OPCML: variants seen among roughly 807,000 people sequenced by gnomAD.
OPCML encodes opioid-binding protein/cell adhesion molecule.
OPCML carries 13 observed loss-of-function variants against 37.8 expected under a neutral mutation model. The observed-to-expected ratio is 0.34, with a 90% CI of 0.22 to 0.55. The LOEUF is 0.55. OPCML is among the 20% of genes least tolerant of loss of function. The pLI, the probability that OPCML is intolerant of heterozygous loss-of-function variation, is 0.91. For synonymous variants in OPCML, 176 were observed against 168.8 expected (o/e 1.04, Z -0.33); for missense variants, 341 against 435.6 (o/e 0.78, Z 1.93).
At chr11:132,718,482 C>G (rs761467468) in intron 2 of OPCML, among the ~76,000 whole-genome samples, 79 of 152,226 alleles carry the variant, frequency 5.2e-4, no homozygotes, top group Non-Finnish European at 1.0e-3. Context: ...CCCTTAGGAC[C>G]AGGCATCCGT....
intron 1 of OPCML, among the ~76,000 whole-genome samples, chr11:133,215,501 C>T (rs957842269): frequency 7.2e-5 from 11 of 152,306 alleles, no homozygotes; most frequent in Non-Finnish European, 1.3e-4. Context: ...AATCCCAGTA[C>T]TCAGTGTATT....
chr11:132,745,810 C>T (rs1394887775), intron 2 of OPCML, among the ~76,000 whole-genome samples: 1 of 152,136 alleles, frequency 6.6e-6, no homozygotes, highest in Non-Finnish European at 1.5e-5. Context: ...TCAGGGTCAA[C>T]TAAAGGGCTC....
chr11:132,562,983 T>G (rs1279214740), intron 3 of OPCML, among the ~76,000 whole-genome samples: 2 of 152,166 alleles, frequency 1.3e-5, no homozygotes, highest in Admixed American at 6.5e-5. Flanking sequence ...GCAATGTTAC[T>G]CCATAAACCT....
At chr11:132,869,446 G>A (rs1034153070) in intron 2 of OPCML, among the ~76,000 whole-genome samples, 2 of 152,058 alleles carry the variant, frequency 1.3e-5, no homozygotes, top group East Asian at 1.9e-4. Flanking sequence ...AACATTACAA[G>A]GGTAAATATC....
intron 1 of OPCML, among the ~76,000 whole-genome samples, chr11:133,180,076 CAGA>C (rs1327690978): frequency 6.6e-6 from 1 of 152,124 alleles, no homozygotes; most frequent in Non-Finnish European, 1.5e-5. Flanking sequence ...CAAAAAAGGC[CAGA>C]AGACTAGGGT....
chr11:133,141,104 A>AAGAAGAAGC (rs1565469412), intron 1 of OPCML, among the ~76,000 whole-genome samples: 15 of 135,182 alleles, frequency 1.1e-4, no homozygotes, highest in African/African-American at 3.0e-4. Context: ...GGAGAAGAAG[A>AAGAAGAAGC]AGCAGCTGAA....
chr11:133,187,960 C>T (rs535920), intron 1 of OPCML, among the ~76,000 whole-genome samples: 70,592 of 151,504 alleles, frequency 0.47, 17,157 homozygotes, highest in African/African-American at 0.59. Context: ...AGTCGTTTCA[C>T]TCCTGGTGCG....
At chr11:133,483,563 C>T (rs952578584) in intron 1 of OPCML, among the ~76,000 whole-genome samples, 1 of 150,838 alleles carries the variant, frequency 6.6e-6, no homozygotes, top group Non-Finnish European at 1.5e-5. Flanking sequence ...GATAACTAGA[C>T]AAAGGAATGG....
intron 1 of OPCML, chr11:133,009,067 G>A: frequency 5.1e-6 from 5 of 985,342 alleles, no homozygotes; most frequent in Non-Finnish European, 6.0e-6. Flanking sequence ...GATTACTTAA[G>A]TCTACATGTA....
At chr11:133,292,358 T>C (rs1341926057) in intron 1 of OPCML, among the ~76,000 whole-genome samples, 1 of 152,188 alleles carries the variant, frequency 6.6e-6, no homozygotes, top group Non-Finnish European at 1.5e-5. Context: ...CAGAAAATCT[T>C]CTAGGGGTTC....
chr11:132,911,932 A>G (rs757824146), intron 2 of OPCML, among the ~76,000 whole-genome samples: 5 of 152,198 alleles, frequency 3.3e-5, no homozygotes, highest in African/African-American at 7.2e-5. Flanking sequence ...TGGAAGTATC[A>G]GGTGAGTTAT....
intron 1 of OPCML, among the ~76,000 whole-genome samples, chr11:132,988,222 A>C (rs971430498): frequency 6.6e-6 from 1 of 152,208 alleles, no homozygotes; most frequent in Non-Finnish European, 1.5e-5. Flanking sequence ...TCACTGGTCA[A>C]GGCTGTGGTT....
At position 132,602,931 on chromosome 11, in the gene OPCML, C is replaced by T. The variant is rs933390518; in HGVS notation, c.379+54156G>A. ...CAGTAGTGAGTTGCATCATGGGGGT[C>T]CACCTTGTGCTTTGACTGCTTAATC... is the stretch of plus-strand genomic sequence containing the variant. On this transcript the variant is annotated intron_variant, in intron 3 of 7. Coordinates refer to ENST00000524381, the MANE Select transcript of OPCML (RefSeq NM_001012393.5). Among the ~76,000 whole-genome samples, 4 of 152,176 alleles carry T rather than the reference C, an allele frequency of 2.6e-5. No homozygotes were observed. In the East Asian group the frequency reaches 7.7e-4, roughly 29 times the overall value.
chr11:132,493,033 T>C (rs1290970228), intron 4 of OPCML, among the ~76,000 whole-genome samples: 2 of 152,190 alleles, frequency 1.3e-5, no homozygotes, highest in Admixed American at 6.5e-5. Context: ...TGATTCAACA[T>C]AGAACTAGAT....
chr11:132,619,756 G>A, intron 3 of OPCML, among the ~76,000 whole-genome samples: 1 of 150,774 alleles, frequency 6.6e-6, no homozygotes, highest in East Asian at 2.0e-4. Flanking sequence ...AGAGGCTGAG[G>A]CAGGAGAATG....
chr11:133,252,698 G>C (rs1246584832), intron 1 of OPCML, among the ~76,000 whole-genome samples: 3 of 152,192 alleles, frequency 2.0e-5, no homozygotes, highest in Admixed American at 1.3e-4. Context: ...CTCCCAGTTA[G>C]AGCATGACAG....
At chr11:132,875,656 G>T (rs1942981353) in intron 2 of OPCML, among the ~76,000 whole-genome samples, 1 of 152,014 alleles carries the variant, frequency 6.6e-6, no homozygotes, top group South Asian at 2.1e-4. Context: ...TAGAGACAGG[G>T]TTTCTCCACG....
intron 1 of OPCML, among the ~76,000 whole-genome samples, chr11:133,187,155 G>T (rs1044399559): frequency 1.6e-4 from 25 of 152,156 alleles, no homozygotes; most frequent in African/African-American, 5.8e-4. Flanking sequence ...GAAGCAGGGA[G>T]ACCATCAGGA....
At chr11:133,422,559 G>A (rs983073625) in intron 1 of OPCML, 11 of 952,964 alleles carry the variant, frequency 1.2e-5, no homozygotes, top group Admixed American at 1.2e-4. Flanking sequence ...GGAGTGCAGC[G>A]GTGCGAACAT....
Sources: allele counts gnomAD v4.1 joint callset (sites outside exome capture counted in the v4.1 genomes callset), GRCh38; gene constraint gnomAD v4.1.1; transcripts MANE v1.5; gene names NCBI Gene and HGNC (gene_info 2026-07-23, HGNC 2026-07-21).